The following TNPO1 variants were observed in gnomAD, a reference collection of about 807,000 sequenced individuals.
TNPO1 encodes the protein transportin-1.
TNPO1 carries 8 observed loss-of-function variants against 119.5 expected under a neutral mutation model. The ratio of observed to expected loss-of-function variants is 0.07; its 90% CI spans 0.04 to 0.12. TNPO1 has a LOEUF of 0.12. Ranked by LOEUF, TNPO1 falls within the 10% of genes least tolerant of loss-of-function variation. The pLI is 1.00. For synonymous variants in TNPO1, 362 were observed against 363.0 expected (o/e 1.00, Z 0.03); for missense variants, 576 against 1,089.8 (o/e 0.53, Z 6.64).
chr5:72,817,805 C>T (rs918320057), intron 1 of TNPO1, among the ~76,000 whole-genome samples: 3 of 152,196 alleles, frequency 2.0e-5, no homozygotes, highest in African/African-American at 4.8e-5. Context: ...GTACTACTCA[C>T]TTTTAGAATA....
At chr5:72,871,077 C>G (rs761897740) in intron 6 of TNPO1, among the ~76,000 whole-genome samples, 2 of 152,028 alleles carry the variant, frequency 1.3e-5, no homozygotes, top group Non-Finnish European at 2.9e-5. Flanking sequence ...TCAAGCGATT[C>G]TCCTGCCTCC....
At chr5:72,867,824 C>A (rs563939883) in intron 6 of TNPO1, among the ~76,000 whole-genome samples, 5 of 152,216 alleles carry the variant, frequency 3.3e-5, no homozygotes, top group Non-Finnish European at 7.3e-5. Flanking sequence ...TACTGAATCA[C>A]TATAGCTCAT....
At chr5:72,892,166 C>G (rs930725390) in intron 15 of TNPO1, among the ~76,000 whole-genome samples, 1 of 151,468 alleles carries the variant, frequency 6.6e-6, no homozygotes, top group Non-Finnish European at 1.5e-5. Context: ...GATATATATA[C>G]CGGGATATAT....
At chr5:72,905,248 C>G (rs1473115030) in intron 23 of TNPO1, 55 bp from the exon 24 acceptor site, 4 of 1,297,598 alleles carry the variant, frequency 3.1e-6, no homozygotes, top group Non-Finnish European at 4.4e-6. Flanking sequence ...AGAAGCTATG[C>G]TGATCTGAAT....
At chr5:72,900,306 T>C (rs1189715917) in intron 21 of TNPO1, among the ~76,000 whole-genome samples, 1 of 152,162 alleles carries the variant, frequency 6.6e-6, no homozygotes, top group Non-Finnish European at 1.5e-5. Context: ...TGGGATAAGA[T>C]TGTCACATGC....
chr5:72,850,624 GATGAA>G (rs1371309953), intron 2 of TNPO1, among the ~76,000 whole-genome samples: 2 of 152,192 alleles, frequency 1.3e-5, no homozygotes, highest in Non-Finnish European at 1.5e-5. Context: ...TCCCGACAGC[GATGAA>G]ATACCTGCAA....
chr5:72,829,682 G>A (rs971521502), intron 1 of TNPO1, among the ~76,000 whole-genome samples: 2 of 152,200 alleles, frequency 1.3e-5, no homozygotes, highest in African/African-American at 2.4e-5. Flanking sequence ...ATGGTCTTTA[G>A]TTACTTTATA....
rs147528463 is a variant in TNPO1, at chr5:72,889,906, C to T, written c.1650C>T (p.Tyr550=). 116 of 1,613,598 alleles carry T rather than the reference C, an allele frequency of 7.2e-5. 1 individual carries two copies. The African/African-American group carries it at 7.9e-4, about 11-fold the overall frequency. Residue 550 remains tyrosine (Y), a synonymous_variant, in exon 14 of 25, where the codon TAC becomes TAT. Coordinates refer to ENST00000337273, the MANE Select transcript of TNPO1 (RefSeq NM_002270.4). ...AGCATAAGAACCTGCTCATTCTTTA[C>T]GATGCCATAGGAACATTAGCAGATT... ...KYQHKNLLIL[Y]DAIGTLADSV...
intron 11 of TNPO1, among the ~76,000 whole-genome samples, chr5:72,886,140 A>G (rs1028322340): frequency 2.6e-5 from 4 of 152,204 alleles, no homozygotes; most frequent in African/African-American, 9.6e-5. Context: ...GTTCCTACCC[A>G]TAACAGTTAA....
chr5:72,901,130 G>T, intron 22 of TNPO1, 57 bp downstream of exon 22: 1 of 1,132,570 alleles, frequency 8.8e-7, no homozygotes, highest in Non-Finnish European at 1.3e-6. Flanking sequence ...TTTAAAGGAA[G>T]AAACATTCTA....
At position 72,893,387 on chromosome 5, in the gene TNPO1, C is replaced by T. The variant is rs2112462907; in HGVS notation, c.1907C>T (p.Ala636Val). The change falls in exon 17 of 25, where the codon GCT becomes GTT. Residue 636 changes from alanine (A) to valine (V), a missense_variant. This residue lies in a region of TNPO1 where 21 missense variants were observed against 23.9 expected (regional missense o/e 0.88). Transcript: ENST00000337273. ...KTLAQAMLNN[A>V]QPDQYEAPDK... ...TGTGTCTAATTTCAGCTAAACAATG[C>T]TCAACCAGATCAATATGAAGCTCCA... 1 of 1,613,140 alleles carries T rather than the reference C, an allele frequency of 6.2e-7. No individual in the cohort carries two copies. Among genetic ancestry groups the T allele is most frequent in the East Asian group, 2.2e-5 (1 of 44,884 alleles).
chr5:72,885,733 G>T (rs1288167284), intron 11 of TNPO1, among the ~76,000 whole-genome samples: 2 of 130,778 alleles, frequency 1.5e-5, no homozygotes, highest in African/African-American at 2.7e-5. Context: ...TTTTGTTTTG[G>T]TTTGGTTTGG....
chr5:72,895,392 C>G (rs766454548), intron 18 of TNPO1, among the ~76,000 whole-genome samples: 2 of 148,110 alleles, frequency 1.4e-5, no homozygotes, highest in Non-Finnish European at 3.0e-5. Flanking sequence ...TGATGATTGT[C>G]TCAATTAGTG....
intron 22 of TNPO1, 115 bp from the exon 23 acceptor site, chr5:72,903,594 G>A (rs1749938995): frequency 3.0e-6 from 2 of 677,936 alleles, no homozygotes; most frequent in Non-Finnish European, 5.0e-6. Context: ...ATTTTTAAAT[G>A]TTTCCTTTTT....
rs869051297 is a variant in TNPO1, at chr5:72,906,275, C to CTTTTTTTTTT, written c.*35+859_*35+868dup. Among the ~76,000 whole-genome samples the CTTTTTTTTTT allele has an allele frequency of 6.0e-4, 33 of 54,702 alleles. 5 individuals carry two copies. Among genetic ancestry groups the CTTTTTTTTTT allele is most frequent in the African/African-American group, 1.4e-3 (21 of 14,704 alleles). 35.9% of individuals were successfully genotyped at this position (54,702 alleles called of 152,430 possible). ...CCATGTGCCCATCACTTTTTTTTTT[C>CTTTTTTTTTT]TTTTTTTTTTTTTTTTTTTTTTTTT... On this transcript the variant is annotated intron_variant, in intron 24 of 24. Coordinates refer to ENST00000337273, the MANE Select transcript of TNPO1 (RefSeq NM_002270.4).
Position 72,905,434 on chromosome 5 carries a change from C to G in TNPO1, c.*24C>G. ...AATCTAATACACTTAAGCTGCAGTC[C>G]CAAAATTAGGGGTAAGTTATAAGAA... is the stretch of plus-strand genomic sequence containing the variant. On this transcript the variant is annotated 3_prime_UTR_variant, in exon 24 of 25. Coordinates refer to ENST00000337273, the MANE Select transcript of TNPO1 (RefSeq NM_002270.4). The G allele has an allele frequency of 1.3e-6, 2 of 1,511,836 alleles. No homozygotes were observed. The highest frequency in any genetic ancestry group is 2.4e-5 in the South Asian group (2 of 82,660). The allele number at this position is 1,511,836 out of a possible 1,614,324, so 93.7% of individuals were successfully genotyped here. A position where few individuals can be genotyped will look rare whatever the true frequency, so the allele number is the denominator to read the frequency against.
intron 24 of TNPO1, among the ~76,000 whole-genome samples, chr5:72,906,295 T>C (rs1006430178): frequency 6.6e-5 from 8 of 121,612 alleles, no homozygotes; most frequent in Non-Finnish European, 1.0e-4. Context: ...TTTTTTTTTT[T>C]TTTTTTTTTT....
chr5:72,837,367 T>C (rs1430109829), intron 1 of TNPO1, among the ~76,000 whole-genome samples: 1 of 152,178 alleles, frequency 6.6e-6, no homozygotes, highest in Non-Finnish European at 1.5e-5. Flanking sequence ...TTTTCTCACA[T>C]GGCTGAAGGG....
intron 20 of TNPO1, among the ~76,000 whole-genome samples, chr5:72,897,510 A>T (rs1240644933): frequency 6.6e-6 from 1 of 152,026 alleles, no homozygotes; most frequent in Non-Finnish European, 1.5e-5. Flanking sequence ...AATCTGTCCA[A>T]ATGTAGTCAA....
Sources: gnomAD v4.1 joint callset for allele counts (sites outside exome capture counted in the v4.1 genomes callset) on GRCh38, gnomAD v4.1.1 for gene constraint, gnomAD v4.1.1 regional missense constraint, MANE v1.5 for transcripts, NCBI Gene and HGNC (gene_info 2026-07-23, HGNC 2026-07-21) for gene names.